Variants in GLRB observed in about 807,000 individuals in gnomAD.
The protein encoded by GLRB is glycine receptor subunit beta.
In GLRB, 33 loss-of-function variants were observed where a neutral mutation model predicts 54.2. The ratio of observed to expected loss-of-function variants is 0.61; its 90% CI spans 0.46 to 0.81. The LOEUF (loss-of-function observed/expected upper bound fraction) is 0.81. Ranked by LOEUF, GLRB falls within the 40% of genes least tolerant of loss-of-function variation. The pLI, the probability that GLRB is intolerant of heterozygous loss-of-function variation, is 0.00. For missense variants in GLRB, 572 were observed against 584.6 expected (o/e 0.98, Z 0.22); for synonymous variants, 209 against 208.2 (o/e 1.00, Z -0.03).
At chr4:157,117,144 T>G (rs1735636846) in intron 2 of GLRB, among the ~76,000 whole-genome samples, 1 of 151,856 alleles carries the variant, frequency 6.6e-6, no homozygotes, top group East Asian at 1.9e-4. Flanking sequence ...TTTTTAACAA[T>G]GCTTAGTAAA....
chr4:157,133,480 T>A (rs1433431339), intron 4 of GLRB, among the ~76,000 whole-genome samples: 1 of 151,996 alleles, frequency 6.6e-6, no homozygotes, highest in Admixed American at 6.6e-5. Context: ...AACTGGTTTT[T>A]GTTTTATGTT....
chr4:157,140,214 T>G (rs1736556755), intron 7 of GLRB, among the ~76,000 whole-genome samples: 1 of 151,962 alleles, frequency 6.6e-6, no homozygotes, highest in South Asian at 2.1e-4. Context: ...TATTAAAAAT[T>G]TGACCATCAA....
Position 157,138,815 on chromosome 4 carries a change from A to G in GLRB, c.617A>G (p.Tyr206Cys). 1.3e-6 allele frequency: 2 copies of G among 1,518,404 alleles called. No individual in the cohort carries two copies. The highest frequency in any genetic ancestry group is 1.8e-6 in the Non-Finnish European group (2 of 1,094,744). 94.1% of individuals were successfully genotyped at this position (1,518,404 alleles called of 1,614,324 possible). Reference sequence around the variant, plus strand: ...TATTTGTTTTTGTTTATAGTTGGTTACACAACTGATGATTTACGATTTATC... The same window carrying G: ...TATTTGTTTTTGTTTATAGTTGGTTGCACAACTGATGATTTACGATTTATC... ...RCKMQLESFG[Y>C]TTDDLRFIWQ... is the part of the protein sequence containing the mutation. Residue 206 changes from tyrosine to cysteine, a missense_variant, in exon 7 of 10, where the codon TAC becomes TGC. Physicochemically the swap from Tyr to Cys is radical, Grantham distance 194. Transcript: ENST00000264428.
At chr4:157,107,235 A>G (rs1474511457) in intron 2 of GLRB, among the ~76,000 whole-genome samples, 3 of 152,034 alleles carry the variant, frequency 2.0e-5, no homozygotes. Context: ...GCCAATTAAT[A>G]TCTCTACAAT....
At position 157,143,978 on chromosome 4, in the gene GLRB, T is replaced by C. The variant is rs1736713079; in HGVS notation, c.904+19T>C. 6.2e-7 allele frequency: 1 copy of C among 1,609,630 alleles called. No individual in the cohort carries two copies. The highest frequency in any genetic ancestry group is 8.5e-7 in the Non-Finnish European group (1 of 1,176,176). On this transcript the variant is annotated intron_variant, in intron 8 of 9. Transcript: ENST00000264428. ...CCCCTGGGTAAGGTGTTCCATGCTT[T>C]TTTGTCACATCAGGAACAGATTATA...
Position 157,105,671 on chromosome 4 carries a change from T to C in GLRB, c.123-14885T>C, listed in dbSNP as rs78041077. ...ATTACTCTTATCAGTTCTATCAATG[T>C]TTCCTTATAAATTTCTGTGGCCCTA... On this transcript the variant is annotated intron_variant, in intron 2 of 9. Coordinates refer to ENST00000264428, the MANE Select transcript of GLRB (RefSeq NM_000824.5). Among the ~76,000 whole-genome samples the C allele has an allele frequency of 6.2e-3, 945 of 152,208 alleles. 22 individuals are homozygous for C. In the East Asian group the frequency reaches 0.1, roughly 16 times the overall value.
intron 1 of GLRB, among the ~76,000 whole-genome samples, chr4:157,077,502 C>A (rs942481263): frequency 7.9e-5 from 12 of 152,016 alleles, no homozygotes; most frequent in African/African-American, 2.9e-4. Flanking sequence ...CTTAGAATTT[C>A]TTTTTCTTTA....
chr4:157,084,844 T>C, intron 2 of GLRB: 1 of 336,322 alleles, frequency 3.0e-6, no homozygotes, highest in Non-Finnish European at 5.8e-6. Flanking sequence ...CATTAAGAGA[T>C]GAAATAGATT....
chr4:157,088,560 A>G (rs569275915), intron 2 of GLRB, among the ~76,000 whole-genome samples: 7 of 152,096 alleles, frequency 4.6e-5, no homozygotes, highest in Non-Finnish European at 7.4e-5. Context: ...CAGTGTTAGC[A>G]TAACATTTTA....
At chr4:157,107,583 A>G (rs144119995) in intron 2 of GLRB, among the ~76,000 whole-genome samples, 2 of 152,218 alleles carry the variant, frequency 1.3e-5, no homozygotes, top group East Asian at 1.9e-4. Flanking sequence ...TCTTAATTCT[A>G]TGAAGGCTAA....
At chr4:157,098,163 T>C (rs1734881640) in intron 2 of GLRB, among the ~76,000 whole-genome samples, 1 of 152,240 alleles carries the variant, frequency 6.6e-6, no homozygotes, top group Non-Finnish European at 1.5e-5. Context: ...TAACAATTTA[T>C]ACTCTTTTGT....
At chr4:157,136,781 C>A (rs1480989640) in intron 5 of GLRB, 23 bp from the exon 6 acceptor site, 1 of 1,557,718 alleles carries the variant, frequency 6.4e-7, no homozygotes, top group Non-Finnish European at 8.9e-7. Flanking sequence ...TAAATTATTT[C>A]TAAGACCCAT....
intron 9 of GLRB, among the ~76,000 whole-genome samples, chr4:157,163,303 C>G (rs925271607): frequency 1.3e-5 from 2 of 152,042 alleles, no homozygotes; most frequent in African/African-American, 4.8e-5. Flanking sequence ...AGTGCCCCAC[C>G]CTGCTCCATG....
intron 2 of GLRB, among the ~76,000 whole-genome samples, chr4:157,090,695 A>G (rs1183983643): frequency 6.6e-6 from 1 of 152,166 alleles, no homozygotes; most frequent in Non-Finnish European, 1.5e-5. Context: ...CTTTTGTCCA[A>G]TTGTGATTGA....
chr4:157,143,539 G>A (rs1400386779), intron 7 of GLRB, among the ~76,000 whole-genome samples: 2 of 152,104 alleles, frequency 1.3e-5, no homozygotes, highest in Non-Finnish European at 2.9e-5. Context: ...GACCTAAAAG[G>A]CTAGACACTG....
chr4:157,153,687 G>A (rs1043338404), intron 9 of GLRB, among the ~76,000 whole-genome samples: 11 of 152,196 alleles, frequency 7.2e-5, no homozygotes, highest in Non-Finnish European at 2.9e-5. Context: ...GCTGTGTAAA[G>A]GATTGAGGTT....
chr4:157,092,190 G>A (rs1166966093), intron 2 of GLRB, among the ~76,000 whole-genome samples: 7 of 152,068 alleles, frequency 4.6e-5, no homozygotes, highest in Non-Finnish European at 8.8e-5. Flanking sequence ...AGTTTATTCT[G>A]GGGTTTTTAA....
intron 2 of GLRB, among the ~76,000 whole-genome samples, chr4:157,078,559 T>G (rs1461442307): frequency 6.6e-6 from 1 of 152,088 alleles, no homozygotes; most frequent in Admixed American, 6.5e-5. Context: ...AAAAGTCAGA[T>G]AGGTAACTGT....
intron 8 of GLRB, among the ~76,000 whole-genome samples, chr4:157,151,618 A>G (rs1390866712): frequency 6.6e-6 from 1 of 152,112 alleles, no homozygotes; most frequent in Non-Finnish European, 1.5e-5. Flanking sequence ...CTTGAATGCA[A>G]AAAACACTTT....
Sources: allele counts gnomAD v4.1 joint callset (sites outside exome capture counted in the v4.1 genomes callset), GRCh38; gene constraint gnomAD v4.1.1; transcripts MANE v1.5; gene names NCBI Gene and HGNC (gene_info 2026-07-23, HGNC 2026-07-21).